The following PDZD2 variants were observed in gnomAD, a reference collection of about 807,000 sequenced individuals.
PDZD2 encodes the protein PDZ domain containing 2, also known as PDZ domain-containing protein 2.
In PDZD2, 90 loss-of-function variants were observed where a neutral mutation model predicts 220.7. The ratio of observed to expected loss-of-function variants is 0.41; its 90% CI spans 0.34 to 0.49. The LOEUF is 0.49. PDZD2 is among the 20% of genes least tolerant of loss of function. PDZD2 has a pLI of 0.28. For synonymous variants in PDZD2, 1,375 were observed against 1,450.5 expected (o/e 0.95, Z 1.18); for missense variants, 3,174 against 3,608.5 (o/e 0.88, Z 3.08).
At chr5:31,939,306 G>A (rs1294223777) in intron 2 of PDZD2, among the ~76,000 whole-genome samples, 1 of 152,166 alleles carries the variant, frequency 6.6e-6, no homozygotes, top group African/African-American at 2.4e-5. Flanking sequence ...TGGAATTTCA[G>A]ACACAGTCAG....
rs778262328 is a variant in PDZD2 at position 32,098,442 on chromosome 5, G to C, written c.8026G>C (p.Gly2676Arg). 1.2e-6 allele frequency: 2 copies of C among 1,614,114 alleles called. No individual in the cohort carries two copies. The highest frequency in any genetic ancestry group is 3.3e-5 in the Admixed American group (2 of 60,016). Reference sequence around the variant, plus strand: ...AGGGGATTTCCTTCTGTCAGTCAACGGCGCCTCACTGGCTGGCTTAGCCCA... The same window carrying C: ...AGGGGATTTCCTTCTGTCAGTCAACCGCGCCTCACTGGCTGGCTTAGCCCA... ...NRGDFLLSVN[G>R]ASLAGLAHGN... The change falls in exon 23 of 25, where the codon GGC becomes CGC. Residue 2676 changes from glycine to arginine, a missense_variant. Physicochemically the swap from Gly to Arg is moderately radical, Grantham distance 125. This residue lies in a region of PDZD2 where 631 missense variants were observed against 789.9 expected (regional missense o/e 0.80). Coordinates refer to ENST00000438447, the MANE Select transcript of PDZD2 (RefSeq NM_178140.4). The surrounding 1 kb of genome is among the most constrained non-coding windows in gnomAD (Gnocchi z 4.1).
chr5:32,076,377 A>G (rs186094299), intron 18 of PDZD2, among the ~76,000 whole-genome samples: 5 of 151,108 alleles, frequency 3.3e-5, no homozygotes, highest in Admixed American at 6.6e-5. Context: ...ATTTATATCT[A>G]TTAAAATAAG....
chr5:31,786,256 C>T (rs370873137), intron 1 of PDZD2, among the ~76,000 whole-genome samples: 1 of 152,168 alleles, frequency 6.6e-6, no homozygotes, highest in Non-Finnish European at 1.5e-5. Context: ...AGCAGGCGAG[C>T]AGTCCAGGGA....
chr5:32,080,347 C>CAAA (rs35491724), intron 19 of PDZD2, among the ~76,000 whole-genome samples: 7,152 of 54,068 alleles, frequency 0.13, 531 homozygotes, highest in Middle Eastern at 0.2. Flanking sequence ...GACTCCATCT[C>CAAA]AAAAAAAAAA....
intron 5 of PDZD2, among the ~76,000 whole-genome samples, chr5:32,002,811 A>G (rs1752312532): frequency 9.1e-6 from 1 of 110,452 alleles, no homozygotes; most frequent in Non-Finnish European, 1.8e-5. Flanking sequence ...CACAACCACC[A>G]ACACACACCA....
At chr5:31,644,648 C>T (rs1025095233) in intron 1 of PDZD2, among the ~76,000 whole-genome samples, 4 of 152,146 alleles carry the variant, frequency 2.6e-5, no homozygotes, top group African/African-American at 9.7e-5. Context: ...GTGTGTTCAC[C>T]CCACACTCTT....
At chr5:31,994,504 T>G (rs912103677) in intron 3 of PDZD2, among the ~76,000 whole-genome samples, 1 of 152,046 alleles carries the variant, frequency 6.6e-6, no homozygotes, top group Admixed American at 6.6e-5. Context: ...GTGTTTTTTG[T>G]TTTTTTGGTG....
intron 1 of PDZD2, among the ~76,000 whole-genome samples, chr5:31,691,211 G>A (rs974191519): frequency 2.6e-5 from 4 of 151,800 alleles, no homozygotes; most frequent in African/African-American, 7.3e-5. Context: ...GCAGACCTTC[G>A]CGGTGAGTGT....
chr5:31,971,116 A>C (rs950208305), intron 2 of PDZD2, among the ~76,000 whole-genome samples: 3 of 152,200 alleles, frequency 2.0e-5, no homozygotes, highest in Non-Finnish European at 4.4e-5. Flanking sequence ...CACCTGTCTC[A>C]GTCCATTTGT....
In PDZD2 at chr5:32,110,296, G is replaced by A. The variant is rs1410407464; in HGVS notation, c.*2161G>A. On this transcript the variant is annotated 3_prime_UTR_variant, in exon 25 of 25. Transcript: ENST00000438447. ...TTAATCCTCATATCTGGAGTACAAG[G>A]GTAGACCTCTGGCTTACCACATACA... 1 of 152,586 alleles carries A rather than the reference G, an allele frequency of 6.6e-6. No individual in the cohort carries two copies. Among genetic ancestry groups the A allele is most frequent in the Non-Finnish European group, 1.5e-5 (1 of 68,042 alleles). The allele number at this position is 152,586 out of a possible 1,614,324, so 9.5% of individuals were successfully genotyped here.
intron 1 of PDZD2, among the ~76,000 whole-genome samples, chr5:31,717,289 G>T (rs1046431504): frequency 6.6e-6 from 1 of 152,158 alleles, no homozygotes; most frequent in Non-Finnish European, 1.5e-5. Flanking sequence ...CTGAATGAAT[G>T]CTTCAAACTT....
At chr5:31,851,142 A>C (rs2150298770) in intron 2 of PDZD2, among the ~76,000 whole-genome samples, 1 of 152,150 alleles carries the variant, frequency 6.6e-6, no homozygotes, top group South Asian at 2.1e-4. Flanking sequence ...CTGTCTCTTT[A>C]ATCATTTAGG....
At chr5:31,643,881 T>C (rs2150102168) in intron 1 of PDZD2, among the ~76,000 whole-genome samples, 1 of 152,144 alleles carries the variant, frequency 6.6e-6, no homozygotes, top group South Asian at 2.1e-4. Flanking sequence ...TGCAGTGGCA[T>C]GACCACGGCT....
rs567336373 is a variant in PDZD2 at position 31,997,158 on chromosome 5, G to C, written c.1121+1440G>C. On this transcript the variant is annotated intron_variant, in intron 4 of 24. Coordinates refer to ENST00000438447, the MANE Select transcript of PDZD2 (RefSeq NM_178140.4). The stretch of plus-strand genomic sequence containing the variant: ...AAAGGAGAGTTTCGTTGATAAGCGA[G>C]TTGATCATCTTTTATCTAGTCCGGA... Among the ~76,000 whole-genome samples the C allele has an allele frequency of 2.6e-5, 4 of 152,178 alleles. 1 individual carries two copies. The highest frequency in any genetic ancestry group is 1.3e-4 in the Admixed American group (2 of 15,272).
At chr5:31,788,235 A>G (rs1753491414) in intron 1 of PDZD2, among the ~76,000 whole-genome samples, 1 of 151,972 alleles carries the variant, frequency 6.6e-6, no homozygotes, top group East Asian at 1.9e-4. Flanking sequence ...GCTGGGCATG[A>G]TAGTGGGTGC....
intron 1 of PDZD2, among the ~76,000 whole-genome samples, chr5:31,708,475 CTCTT>C (rs1747931454): frequency 6.6e-6 from 1 of 152,330 alleles, no homozygotes; most frequent in South Asian, 2.1e-4. Context: ...GCCCCCAAAG[CTCTT>C]TCTTTCTTTT....
At chr5:31,865,820 G>A (rs1166281574) in intron 2 of PDZD2, among the ~76,000 whole-genome samples, 4 of 150,118 alleles carry the variant, frequency 2.7e-5, no homozygotes, top group African/African-American at 7.4e-5. Context: ...TTTAGTAGAG[G>A]CTGGGTTTCA....
At chr5:31,857,605 G>T (rs752474248) in intron 2 of PDZD2, among the ~76,000 whole-genome samples, 46 of 152,170 alleles carry the variant, frequency 3.0e-4, no homozygotes, top group Admixed American at 1.5e-3. Context: ...CATTCTAAAG[G>T]CTTATGCTTT....
chr5:32,021,915 T>C lies in PDZD2; in HGVS notation c.1407+11433T>C, dbSNP rs1479711793. ...CTCCTGGGGCAGACATCTGGAATTC[T>C]TCCTAGCACTCTTCCTGCTGATACC... On this transcript the variant is annotated intron_variant, in intron 6 of 24. Transcript: ENST00000438447. 2.0e-5 allele frequency among the ~76,000 whole-genome samples: 3 copies of C among 152,188 alleles called. No homozygotes were observed. In the East Asian group the frequency reaches 5.8e-4, roughly 29 times the overall value.
Sources: allele counts gnomAD v4.1 joint callset (sites outside exome capture counted in the v4.1 genomes callset), GRCh38; gene constraint gnomAD v4.1.1; regional missense constraint gnomAD v4.1.1; non-coding constraint Gnocchi (gnomAD v3.1); transcripts MANE v1.5; gene names NCBI Gene and HGNC (gene_info 2026-07-23, HGNC 2026-07-21).